The following ARHGAP42 variants were observed in gnomAD, a reference collection of about 807,000 sequenced individuals.
ARHGAP42 encodes rho GTPase-activating protein 42.
A neutral mutation model predicts 125.0 loss-of-function variants in ARHGAP42; 63 were observed. The observed-to-expected ratio is 0.50, with a 90% CI of 0.41 to 0.62. The LOEUF is 0.62. Among genes scored for constraint, ARHGAP42 ranks in the 20% least tolerant of loss-of-function variants. The probability of loss-of-function intolerance (pLI) is 0.00; values close to 1 mark genes in which losing one functional copy is unlikely to be tolerated. For missense variants in ARHGAP42, 766 were observed against 1,024.2 expected, an observed-to-expected ratio of 0.75 and a Z score of 3.44; for synonymous variants, 339 against 351.0, an observed-to-expected ratio of 0.97 and a Z score of 0.38.
chr11:100,814,027 C>G (rs991105900), intron 3 of ARHGAP42, among the ~76,000 whole-genome samples: 6 of 151,980 alleles, frequency 3.9e-5, no homozygotes, highest in Non-Finnish European at 8.8e-5. Context: ...CCTGTCTGTA[C>G]TAAAAATACA....
intron 2 of ARHGAP42, among the ~76,000 whole-genome samples, chr11:100,778,051 A>G (rs1863172656): frequency 1.3e-5 from 2 of 152,196 alleles, no homozygotes; most frequent in African/African-American, 2.4e-5. Context: ...GCATGCACCT[A>G]TAGACCTAGC....
At chr11:100,909,705 G>A (rs12418060) in intron 4 of ARHGAP42, among the ~76,000 whole-genome samples, 7,992 of 152,072 alleles carry the variant, frequency 0.053, 382 homozygotes, top group East Asian at 0.25. Context: ...TTTTGTATAT[G>A]GTGAGAGAAA....
At chr11:100,943,535 C>G (rs1402716113) in intron 9 of ARHGAP42, among the ~76,000 whole-genome samples, 1 of 152,024 alleles carries the variant, frequency 6.6e-6, no homozygotes, top group Non-Finnish European at 1.5e-5. Flanking sequence ...AGGCATGTTA[C>G]ATAATTCTTT....
Position 100,976,163 on chromosome 11 carries a change from G to A in ARHGAP42, c.1962G>A (p.Gln654=). The part of the protein sequence containing the change: ...QNSTTKSASC[Q]PREKSGGIPW... ...GCACTACAAAGTCAGCTTCCTGCCAGCCCAGGGAGAAATCTGGAGGGATTC... is the reference window on the plus strand; with the variant it reads ...GCACTACAAAGTCAGCTTCCTGCCAACCCAGGGAGAAATCTGGAGGGATTC... The change falls in exon 20 of 24, where the codon CAG becomes CAA. Residue 654 remains glutamine (Q), a synonymous_variant. Transcript: ENST00000298815. 1.9e-6 allele frequency: 3 copies of A among 1,551,650 alleles called. No homozygotes were observed. The highest frequency in any genetic ancestry group is 2.6e-6 in the Non-Finnish European group (3 of 1,146,892).
chr11:100,875,838 T>C (rs1865812989), intron 4 of ARHGAP42, among the ~76,000 whole-genome samples: 1 of 152,112 alleles, frequency 6.6e-6, no homozygotes, highest in African/African-American at 2.4e-5. Flanking sequence ...TAACATTTTT[T>C]GACAAGCGGA....
intron 4 of ARHGAP42, among the ~76,000 whole-genome samples, chr11:100,861,458 A>G (rs631257): frequency 0.016 from 2,425 of 152,348 alleles, 70 homozygotes; most frequent in African/African-American, 0.055. Flanking sequence ...TTCTAGATGC[A>G]TATCATGCAT....
At chr11:100,873,958 A>T (rs1284085805) in intron 4 of ARHGAP42, among the ~76,000 whole-genome samples, 3 of 152,150 alleles carry the variant, frequency 2.0e-5, no homozygotes, top group African/African-American at 7.2e-5. Context: ...GTGCTGAGAA[A>T]CCACCCACCA....
intron 3 of ARHGAP42, among the ~76,000 whole-genome samples, chr11:100,810,285 C>A (rs1190535867): frequency 2.0e-5 from 3 of 152,112 alleles, no homozygotes; most frequent in African/African-American, 7.2e-5. Flanking sequence ...TTTTAACCAA[C>A]ATTCTTTTTT....
chr11:100,810,459 T>C (rs1439571341), intron 3 of ARHGAP42, among the ~76,000 whole-genome samples: 3 of 152,202 alleles, frequency 2.0e-5, no homozygotes, highest in African/African-American at 7.2e-5. Context: ...AAACCTTACC[T>C]TTTTTACATT....
At chr11:100,957,663 TG>T (rs1469904684) in intron 12 of ARHGAP42, among the ~76,000 whole-genome samples, 6 of 152,134 alleles carry the variant, frequency 3.9e-5, no homozygotes, top group African/African-American at 1.4e-4. Context: ...TTGATAATGT[TG>T]TATTTACTCA....
At chr11:100,966,355 GAT>G (rs1360411698) in intron 17 of ARHGAP42, among the ~76,000 whole-genome samples, 3 of 152,126 alleles carry the variant, frequency 2.0e-5, no homozygotes, top group African/African-American at 7.2e-5. Context: ...TATATAAAGA[GAT>G]AGAGATTGGT....
intron 1 of ARHGAP42, among the ~76,000 whole-genome samples, chr11:100,697,680 G>A (rs1208181683): frequency 6.6e-6 from 1 of 152,112 alleles, no homozygotes; most frequent in African/African-American, 2.4e-5. Context: ...AAACTGGTCT[G>A]TGTCTGTGTG....
chr11:100,799,863 G>C (rs536265216), intron 3 of ARHGAP42, among the ~76,000 whole-genome samples: 7 of 152,218 alleles, frequency 4.6e-5, no homozygotes, highest in African/African-American at 1.7e-4. Flanking sequence ...AAAGAAAGAG[G>C]GTTGATAAAA....
intron 1 of ARHGAP42, among the ~76,000 whole-genome samples, chr11:100,730,770 A>G (rs1861942100): frequency 6.6e-6 from 1 of 152,254 alleles, no homozygotes; most frequent in African/African-American, 2.4e-5. Context: ...GTATTTACAA[A>G]AACCTAGTTG....
At position 100,750,122 on chromosome 11, in the gene ARHGAP42, G is replaced by A. The variant is rs919866801; in HGVS notation, c.155-20221G>A. On this transcript the variant is annotated intron_variant, in intron 1 of 23. Coordinates refer to ENST00000298815, the MANE Select transcript of ARHGAP42 (RefSeq NM_152432.4). ...CAGAGGGGAATGTAATCCTGGATGAGCCCCCAAATTGTTATAAATAAAGTT... is the reference window on the plus strand; with the variant it reads ...CAGAGGGGAATGTAATCCTGGATGAACCCCCAAATTGTTATAAATAAAGTT... 5.5e-4 allele frequency among the ~76,000 whole-genome samples: 84 copies of A among 152,326 alleles called. 1 individual carries two copies. The highest frequency in any genetic ancestry group is 1.9e-3 in the African/African-American group (79 of 41,562).
At chr11:100,973,869 C>G (rs1208896463) in intron 18 of ARHGAP42, among the ~76,000 whole-genome samples, 1 of 152,186 alleles carries the variant, frequency 6.6e-6, no homozygotes, top group Non-Finnish European at 1.5e-5. Context: ...ATCCTTTTAT[C>G]TCTGATCTGG....
chr11:100,863,335 T>C (rs1230902281), intron 4 of ARHGAP42, among the ~76,000 whole-genome samples: 1 of 152,146 alleles, frequency 6.6e-6, no homozygotes, highest in Non-Finnish European at 1.5e-5. Flanking sequence ...GGCCGTTGAT[T>C]AAAGGTAGAA....
At position 100,903,709 on chromosome 11, in the gene ARHGAP42, A is replaced by AAAAAAAATAT. The variant is rs1332890022; in HGVS notation, c.385-9742_385-9741insAAAAAATATA. ...ATGTATATATATACATGTCCCTCAA[A>AAAAAAAATAT]ATATATATATATATATATATATATA... is the stretch of plus-strand genomic sequence containing the variant. On this transcript the variant is annotated intron_variant, in intron 4 of 23. Transcript: ENST00000298815. 7.6e-4 allele frequency among the ~76,000 whole-genome samples: 48 copies of AAAAAAAATAT among 63,482 alleles called. 1 individual carries two copies. Among genetic ancestry groups the AAAAAAAATAT allele is most frequent in the African/African-American group, 2.9e-3 (43 of 14,638 alleles). The allele number at this position is 63,482 out of a possible 152,430, so 41.6% of individuals were successfully genotyped here.
At chr11:100,773,337 T>TAA (rs1269562177) in intron 2 of ARHGAP42, among the ~76,000 whole-genome samples, 2 of 152,218 alleles carry the variant, frequency 1.3e-5, no homozygotes, top group African/African-American at 4.8e-5. Context: ...ATGATATATA[T>TAA]AATTTGGTAT....
Sources: gnomAD v4.1 joint callset for allele counts (sites outside exome capture counted in the v4.1 genomes callset) on GRCh38, gnomAD v4.1.1 for gene constraint, MANE v1.5 for transcripts, NCBI Gene and HGNC (gene_info 2026-07-23, HGNC 2026-07-21) for gene names.